SLC25A33: variants seen among roughly 807,000 people sequenced by gnomAD.
SLC25A33 encodes solute carrier family 25 member 33, also known as bone marrow stromal cell mitochondrial carrier protein.
Under a neutral mutation model 35.5 loss-of-function variants are expected in SLC25A33, and 15 were observed. That is an observed-to-expected ratio of 0.42 (90% CI 0.28 to 0.65). The LOEUF is 0.65. Among genes scored for constraint, SLC25A33 ranks in the 30% least tolerant of loss-of-function variants. The pLI is 0.20. For synonymous variants in SLC25A33, 136 were observed against 148.7 expected, an observed-to-expected ratio of 0.91 and a Z score of 0.62; for missense variants, 257 against 398.5, an observed-to-expected ratio of 0.64 and a Z score of 3.02.
chr1:9,539,500 A>G lies in SLC25A33; in HGVS notation c.-192A>G. 4.4e-6 allele frequency: 1 copy of G among 228,490 alleles called. No homozygotes were observed. The highest frequency in any genetic ancestry group is 8.1e-6 in the Non-Finnish European group (1 of 123,776). 14.2% of individuals were successfully genotyped at this position (228,490 alleles called of 1,614,324 possible). ...CGGGCTCGCGCCGCAGAGGCCGGTG[A>G]GGCGCCGGCGGCCACGCCGCGGAAG... On this transcript the variant is annotated 5_prime_UTR_variant, in exon 1 of 7. Transcript: ENST00000302692.
At chr1:9,541,735 A>G (rs1474755147) in intron 1 of SLC25A33, among the ~76,000 whole-genome samples, 1 of 138,680 alleles carries the variant, frequency 7.2e-6, no homozygotes, top group African/African-American at 2.8e-5. Flanking sequence ...GGATCATTTA[A>G]AAAAAAAAAA....
intron 2 of SLC25A33, among the ~76,000 whole-genome samples, chr1:9,562,347 CAA>C (rs56748646): frequency 1.4e-4 from 12 of 84,094 alleles, no homozygotes; most frequent in Admixed American, 2.8e-4. Context: ...GACTCCATCT[CAA>C]AAAAAAAAAA....
intron 2 of SLC25A33, 85 bp from the exon 3 acceptor site, chr1:9,567,199 G>C: frequency 9.2e-7 from 1 of 1,090,998 alleles, no homozygotes; most frequent in Non-Finnish European, 1.4e-6. Context: ...TTCTCTCAAG[G>C]AACTAATGAG....
At chr1:9,564,119 A>G (rs1643464981) in intron 2 of SLC25A33, among the ~76,000 whole-genome samples, 1 of 152,254 alleles carries the variant, frequency 6.6e-6, no homozygotes, top group Admixed American at 6.5e-5. Context: ...ACTGGATACC[A>G]TGGAAATTGA....
rs930677938 is a variant in SLC25A33 at position 9,578,036 on chromosome 1, C to T, written c.483-1918C>T. On this transcript the variant is annotated intron_variant, in intron 5 of 6. Transcript: ENST00000302692. This position sits in a 1 kb window ranked among gnomAD's most constrained non-coding sequence, Gnocchi z 4.3. Reference sequence around the variant, plus strand: ...CTCCCGGGTGCACGCCATTCTCCTGCCTCAGCCTCCCGAGTAGCTGGGAAG... The same window carrying T: ...CTCCCGGGTGCACGCCATTCTCCTGTCTCAGCCTCCCGAGTAGCTGGGAAG... 6.6e-6 allele frequency among the ~76,000 whole-genome samples: 1 copy of T among 152,160 alleles called. No homozygotes were observed. Among genetic ancestry groups the T allele is most frequent in the African/African-American group, 2.4e-5 (1 of 41,424 alleles).
chr1:9,573,499 G>C (rs1453744738), intron 5 of SLC25A33, 87 bp downstream of exon 5: 3 of 1,071,504 alleles, frequency 2.8e-6, no homozygotes, highest in Non-Finnish European at 4.2e-6. Context: ...CTAAGGATGA[G>C]ATATAGAGAT....
At chr1:9,553,155 G>A (rs34927461) in intron 1 of SLC25A33, among the ~76,000 whole-genome samples, 21,470 of 120,368 alleles carry the variant, frequency 0.18, 1,743 homozygotes, top group East Asian at 0.31. Flanking sequence ...GCCTCCCAAA[G>A]TGCTGAGGTT....
At chr1:9,557,911 G>A (rs555529947) in intron 2 of SLC25A33, among the ~76,000 whole-genome samples, 53 of 152,204 alleles carry the variant, frequency 3.5e-4, no homozygotes, top group African/African-American at 1.2e-3. Flanking sequence ...TCAAAAAAAA[G>A]AAAGATTCTC....
chr1:9,580,272 G>T (rs1325929973), intron 6 of SLC25A33, 38 bp downstream of exon 6: 10 of 1,596,580 alleles, frequency 6.3e-6, no homozygotes, highest in Admixed American at 1.8e-5. Context: ...CAGTAAAACA[G>T]CTGTCACGTT....
chr1:9,549,336 G>A (rs1336108705), intron 1 of SLC25A33, among the ~76,000 whole-genome samples: 5 of 137,900 alleles, frequency 3.6e-5, no homozygotes, highest in Non-Finnish European at 8.0e-5. Flanking sequence ...CAATGGGGGG[G>A]ATGAACTGTT....
At chr1:9,570,973 A>G (rs572835967) in intron 4 of SLC25A33, among the ~76,000 whole-genome samples, 1 of 152,134 alleles carries the variant, frequency 6.6e-6, no homozygotes, top group Admixed American at 6.6e-5. Context: ...TCGGCCTCCC[A>G]GAGTGCTGGG....
chr1:9,549,045 C>T (rs1291284703), intron 1 of SLC25A33, among the ~76,000 whole-genome samples: 1 of 152,178 alleles, frequency 6.6e-6, no homozygotes, highest in African/African-American at 2.4e-5. Context: ...GCTTGTAAGG[C>T]AGGGAGACTG....
chr1:9,553,603 ATCT>A lies in SLC25A33; in HGVS notation c.57-22_57-20del, dbSNP rs1220520530. On this transcript the variant is annotated intron_variant, in intron 1 of 6. Transcript: ENST00000302692. ...TGTAGGGAATAGTATAGCTTCTCTGATCTGCTTTGGTTTCCCTTACAGGTGTGG... is the reference window on the plus strand; with the variant it reads ...TGTAGGGAATAGTATAGCTTCTCTGAGCTTTGGTTTCCCTTACAGGTGTGG... 1.2e-6 allele frequency: 2 copies of A among 1,611,962 alleles called. No homozygotes were observed. The highest frequency in any genetic ancestry group is 2.2e-5 in the South Asian group (2 of 90,960).
intron 1 of SLC25A33, among the ~76,000 whole-genome samples, chr1:9,540,539 C>T (rs537549253): frequency 2.0e-5 from 3 of 152,118 alleles, no homozygotes; most frequent in South Asian, 2.1e-4. Context: ...CACCTCCCGC[C>T]GAGAATAGAA....
In SLC25A33 at chr1:9,578,375, A is replaced by C. The variant is rs2100413239; in HGVS notation, c.483-1579A>C. On this transcript the variant is annotated intron_variant, in intron 5 of 6. Coordinates refer to ENST00000302692, the MANE Select transcript of SLC25A33 (RefSeq NM_032315.3). The surrounding 1 kb of genome is among the most constrained non-coding windows in gnomAD (Gnocchi z 4.3). Reference sequence around the variant, plus strand: ...GGGCCCCAGGTCTGCGCCCGCTCGGAGGGGTCTGTGATGTGTGACCGGTGC... The same window carrying C: ...GGGCCCCAGGTCTGCGCCCGCTCGGCGGGGTCTGTGATGTGTGACCGGTGC... 6.6e-6 allele frequency among the ~76,000 whole-genome samples: 1 copy of C among 152,236 alleles called. No individual in the cohort carries two copies. Among genetic ancestry groups the C allele is most frequent in the East Asian group, 1.9e-4 (1 of 5,184 alleles).
chr1:9,578,364 C>T lies in SLC25A33; in HGVS notation c.483-1590C>T, dbSNP rs1009096345. Among the ~76,000 whole-genome samples, 9 of 152,164 alleles carry T rather than the reference C, an allele frequency of 5.9e-5. No homozygotes were observed. Among genetic ancestry groups the T allele is most frequent in the East Asian group, 1.9e-4 (1 of 5,200 alleles). ...TGAAGCCCAAGGGGCCCCAGGTCTGCGCCCGCTCGGAGGGGTCTGTGATGT... is the reference window on the plus strand; with the variant it reads ...TGAAGCCCAAGGGGCCCCAGGTCTGTGCCCGCTCGGAGGGGTCTGTGATGT... On this transcript the variant is annotated intron_variant, in intron 5 of 6. Coordinates refer to ENST00000302692, the MANE Select transcript of SLC25A33 (RefSeq NM_032315.3). This position sits in a 1 kb window ranked among gnomAD's most constrained non-coding sequence, Gnocchi z 4.3.
At chr1:9,568,130 A>T (rs1042706050) in intron 3 of SLC25A33, among the ~76,000 whole-genome samples, 2 of 152,224 alleles carry the variant, frequency 1.3e-5, no homozygotes, top group African/African-American at 4.8e-5. Context: ...AGAATAGCAT[A>T]TCTGGAAAGT....
chr1:9,561,632 G>A (rs1228658024), intron 2 of SLC25A33, among the ~76,000 whole-genome samples: 1 of 152,022 alleles, frequency 6.6e-6, no homozygotes, highest in Non-Finnish European at 1.5e-5. Context: ...TAACTATGGA[G>A]ACCGCCTTTC....
intron 5 of SLC25A33, chr1:9,577,082 G>C: frequency 1.8e-6 from 1 of 570,430 alleles, no homozygotes; most frequent in Non-Finnish European, 3.0e-6. Context: ...ATTGATTTGG[G>C]AAGAAAAGAA....
Sources: gnomAD v4.1 joint callset for allele counts (sites outside exome capture counted in the v4.1 genomes callset) on GRCh38, gnomAD v4.1.1 for gene constraint, Gnocchi (gnomAD v3.1) non-coding constraint, MANE v1.5 for transcripts, NCBI Gene and HGNC (gene_info 2026-07-23, HGNC 2026-07-21) for gene names.